The following SLAIN2 variants were observed in gnomAD, a reference collection of about 807,000 sequenced individuals.
SLAIN2 encodes SLAIN motif-containing protein 2.
A neutral mutation model predicts 56.6 loss-of-function variants in SLAIN2; 31 were observed. That is an observed-to-expected ratio of 0.55 (90% CI 0.41 to 0.74). The LOEUF (loss-of-function observed/expected upper bound fraction) is 0.74, where lower values mean the gene tolerates loss of function less well. Ranked by LOEUF, SLAIN2 falls within the 30% of genes least tolerant of loss-of-function variation. The probability of loss-of-function intolerance (pLI) is 0.00; values close to 1 mark genes in which losing one functional copy is unlikely to be tolerated. For synonymous variants in SLAIN2, 317 were observed against 284.9 expected, an observed-to-expected ratio of 1.11 and a Z score of -1.13; for missense variants, 777 against 754.2, an observed-to-expected ratio of 1.03 and a Z score of -0.35.
intron 6 of SLAIN2, among the ~76,000 whole-genome samples, chr4:48,416,840 A>C (rs1409878731): frequency 7.6e-6 from 1 of 131,746 alleles, no homozygotes; most frequent in Non-Finnish European, 1.6e-5. Flanking sequence ...AATCTCTGGG[A>C]CGCATTCAAA....
chr4:48,385,840 T>C (rs1271510399), intron 6 of SLAIN2, among the ~76,000 whole-genome samples: 1 of 152,046 alleles, frequency 6.6e-6, no homozygotes, highest in Non-Finnish European at 1.5e-5. Flanking sequence ...TGACTTCATA[T>C]ACTTCATGTT....
At chr4:48,363,712 A>C (rs1388898295) in intron 1 of SLAIN2, among the ~76,000 whole-genome samples, 2 of 93,980 alleles carry the variant, frequency 2.1e-5, no homozygotes, top group African/African-American at 4.0e-5. Flanking sequence ...GGCGCCCCTC[A>C]CCTCCCAGAC....
intron 1 of SLAIN2, among the ~76,000 whole-genome samples, chr4:48,362,832 G>A (rs1715370291): frequency 1.8e-5 from 2 of 109,274 alleles, no homozygotes; most frequent in Non-Finnish European, 3.7e-5. Flanking sequence ...AGGGTCATGG[G>A]ACAATAGTGG....
Position 48,341,802 on chromosome 4 carries a change from G to C in SLAIN2, c.63G>C (p.Val21=), listed in dbSNP as rs750201849. 1 of 1,533,908 alleles carries C rather than the reference G, an allele frequency of 6.5e-7. No individual in the cohort carries two copies. Among genetic ancestry groups the C allele is most frequent in the African/African-American group, 1.4e-5 (1 of 70,916 alleles). The change falls in exon 1 of 8, where the codon GTG becomes GTC. Residue 21 remains valine (V), a synonymous_variant. Coordinates refer to ENST00000264313, the MANE Select transcript of SLAIN2 (RefSeq NM_020846.2). ...DQEVRKLQEL[V]KKLEKQNEQL... is the part of the protein sequence containing the mutation. Reference sequence around the variant, plus strand: ...AGGTGCGGAAGCTGCAGGAGCTGGTGAAGAAGCTGGAGAAGCAGAACGAAC... The same window carrying C: ...AGGTGCGGAAGCTGCAGGAGCTGGTCAAGAAGCTGGAGAAGCAGAACGAAC...
In SLAIN2 at chr4:48,424,141, CTA is replaced by C. The variant is rs949787889; in HGVS notation, c.*2066_*2067del. 26 of 152,002 alleles carry C rather than the reference CTA, an allele frequency of 1.7e-4. No homozygotes were observed. Among genetic ancestry groups the C allele is most frequent in the Middle Eastern group, 3.4e-3 (1 of 294 alleles). 9.4% of individuals were successfully genotyped at this position (152,002 alleles called of 1,614,324 possible). ...AAATGGCTGCATCAGAAAAAAATGT[CTA>C]TTTTTTTTTATTAAAATATTTCATC... On this transcript the variant is annotated 3_prime_UTR_variant, in exon 8 of 8. Coordinates refer to ENST00000264313, the MANE Select transcript of SLAIN2 (RefSeq NM_020846.2).
intron 7 of SLAIN2, among the ~76,000 whole-genome samples, chr4:48,420,828 T>C (rs17609600): frequency 0.12 from 18,517 of 152,148 alleles, 1,313 homozygotes; most frequent in East Asian, 0.29. Flanking sequence ...AGCTACCAAG[T>C]CTGAGTATAA....
chr4:48,414,447 AC>A, intron 6 of SLAIN2, among the ~76,000 whole-genome samples: 1 of 152,184 alleles, frequency 6.6e-6, no homozygotes. Context: ...AACAATTTAC[AC>A]ATTTATTACT....
chr4:48,348,258 A>T (rs935811310), intron 1 of SLAIN2, among the ~76,000 whole-genome samples: 5 of 152,210 alleles, frequency 3.3e-5, no homozygotes, highest in Admixed American at 3.3e-4. Flanking sequence ...ACCCTAAAAA[A>T]ATTGTTGGAA....
rs36222817 is a variant in SLAIN2 at position 48,414,550 on chromosome 4, A to AT, written c.1361-5555dup. On this transcript the variant is annotated intron_variant, in intron 6 of 7. Coordinates refer to ENST00000264313, the MANE Select transcript of SLAIN2 (RefSeq NM_020846.2). ...TTTCAAGCAATGCAATTGGTGTGGT[A>AT]TTTTTTTTTTTTTTTTTTTTATTAT... Among the ~76,000 whole-genome samples the AT allele has an allele frequency of 6.5e-3, 888 of 136,928 alleles. 5 individuals carry two copies. Among genetic ancestry groups the AT allele is most frequent in the Admixed American group, 0.021 (281 of 13,644 alleles). The allele number at this position is 136,928 out of a possible 152,430, so 89.8% of individuals were successfully genotyped here.
chr4:48,420,377 G>C lies in SLAIN2; in HGVS notation c.1613G>C (p.Arg538Thr). Residue 538 changes from arginine (R) to threonine (T), a missense_variant, in exon 7 of 8, where the codon AGA (arginine) becomes ACA (threonine). Coordinates refer to ENST00000264313, the MANE Select transcript of SLAIN2 (RefSeq NM_020846.2). ...ACTGCAATGAGAAGTGGCTTGCCCA[G>C]ACCCAGTGCCCCTTCTGCTGGGGGC... ...GTTAMRSGLP[R>T]PSAPSAGGIP... 6.2e-7 allele frequency: 1 copy of C among 1,614,020 alleles called. No individual in the cohort carries two copies. Among genetic ancestry groups the C allele is most frequent in the Non-Finnish European group, 8.5e-7 (1 of 1,179,872 alleles).
Position 48,342,027 on chromosome 4 carries a change from C to G in SLAIN2, c.288C>G (p.Ser96=), listed in dbSNP as rs1335000251. 7.1e-7 allele frequency: 1 copy of G among 1,410,382 alleles called. No individual in the cohort carries two copies. The highest frequency in any genetic ancestry group is 9.2e-7 in the Non-Finnish European group (1 of 1,087,830). 87.4% of individuals were successfully genotyped at this position (1,410,382 alleles called of 1,614,324 possible). The change falls in exon 1 of 8, where the codon TCC becomes TCG. Residue 96 remains serine, a synonymous_variant. Coordinates refer to ENST00000264313, the MANE Select transcript of SLAIN2 (RefSeq NM_020846.2). The part of the protein sequence containing the change: ...TSSEELRDAT[S]LLAAGEGGLL... ...GCGAAGAGCTGCGGGACGCCACCTCCTTGCTAGCGGCGGGCGAGGGCGGCT... is the reference window on the plus strand; with the variant it reads ...GCGAAGAGCTGCGGGACGCCACCTCGTTGCTAGCGGCGGGCGAGGGCGGCT...
rs569459587 is a variant in SLAIN2 at position 48,407,697 on chromosome 4, TC to T, written c.1361-12425del. Among the ~76,000 whole-genome samples, 445 of 152,334 alleles carry T rather than the reference TC, an allele frequency of 2.9e-3. 1 individual carries two copies. The highest frequency in any genetic ancestry group is 4.9e-3 in the Non-Finnish European group (333 of 68,026). ...ATTTTCTGAGATTTCTTTCCTTTAT[TC>T]CCTCACTCCACTTTCAAAATTACCC... On this transcript the variant is annotated intron_variant, in intron 6 of 7. Transcript: ENST00000264313.
chr4:48,382,448 G>A, intron 4 of SLAIN2, 120 bp from the exon 5 acceptor site: 1 of 1,027,396 alleles, frequency 9.7e-7, no homozygotes, highest in Non-Finnish European at 1.3e-6. Flanking sequence ...CAGAAAGGGA[G>A]TTTTCTTTTA....
rs1250638427 is a variant in SLAIN2, at chr4:48,382,604, G to A, written c.899G>A (p.Arg300His). 1 of 1,602,306 alleles carries A rather than the reference G, an allele frequency of 6.2e-7. No homozygotes were observed. Among genetic ancestry groups the A allele is most frequent in the East Asian group, 2.2e-5 (1 of 44,538 alleles). Residue 300 changes from arginine (R) to histidine (H), a missense_variant, in exon 5 of 8, where the codon CGC (arginine) becomes CAC (histidine). Transcript: ENST00000264313. Reference sequence around the variant, plus strand: ...GAATATGCAGCCACCACGTCTCGGCGCAGTTCTGGTTCATCTTGCAATTCT... The same window carrying A: ...GAATATGCAGCCACCACGTCTCGGCACAGTTCTGGTTCATCTTGCAATTCT... The part of the protein sequence containing the change: ...RQEYAATTSR[R>H]SSGSSCNSTR...
chr4:48,421,161 G>A (rs1305419715), intron 7 of SLAIN2, among the ~76,000 whole-genome samples: 5 of 151,982 alleles, frequency 3.3e-5, no homozygotes, highest in Non-Finnish European at 4.4e-5. Context: ...GACTACAGGC[G>A]CACACCACCA....
intron 6 of SLAIN2, among the ~76,000 whole-genome samples, chr4:48,411,310 T>C (rs1284167820): frequency 6.6e-6 from 1 of 152,118 alleles, no homozygotes; most frequent in Non-Finnish European, 1.5e-5. Context: ...GTTTTGGGGA[T>C]GGAAGAAATC....
chr4:48,378,096 T>A (rs754906303), intron 3 of SLAIN2, 36 bp downstream of exon 3: 4 of 1,594,024 alleles, frequency 2.5e-6, no homozygotes, highest in East Asian at 4.5e-5. Context: ...TTAAGGAATG[T>A]TTTTTAGCTT....
intron 1 of SLAIN2, among the ~76,000 whole-genome samples, chr4:48,362,005 T>A (rs1715339338): frequency 6.6e-6 from 1 of 152,244 alleles, no homozygotes; most frequent in African/African-American, 2.4e-5. Context: ...TTTTGCTTAT[T>A]GATCTTGTGT....
chr4:48,391,964 GA>G (rs1229790149), intron 6 of SLAIN2, among the ~76,000 whole-genome samples: 1 of 152,152 alleles, frequency 6.6e-6, no homozygotes, highest in Non-Finnish European at 1.5e-5. Context: ...AGGTATTGCT[GA>G]AGTGGAATTA....
Sources: allele counts gnomAD v4.1 joint callset (sites outside exome capture counted in the v4.1 genomes callset), GRCh38; gene constraint gnomAD v4.1.1; transcripts MANE v1.5; gene names NCBI Gene and HGNC (gene_info 2026-07-23, HGNC 2026-07-21).